The following SKAP1 variants were observed in gnomAD, a reference collection of about 807,000 sequenced individuals.
SKAP1 encodes the protein src kinase associated phosphoprotein 1, also known as src kinase-associated phosphoprotein 1.
A neutral mutation model predicts 58.5 loss-of-function variants in SKAP1; 44 were observed. The ratio of observed to expected loss-of-function variants is 0.75; its 90% CI spans 0.59 to 0.97. The LOEUF (loss-of-function observed/expected upper bound fraction) is 0.97, where lower values mean the gene tolerates loss of function less well. Ranked by LOEUF, SKAP1 falls within the 50% of genes least tolerant of loss-of-function variation. The probability of loss-of-function intolerance (pLI) is 0.00; values close to 1 mark genes in which losing one functional copy is unlikely to be tolerated. For synonymous variants in SKAP1, 127 were observed against 149.7 expected (o/e 0.85, Z 1.11); for missense variants, 390 against 435.2 (o/e 0.90, Z 0.92).
At chr17:48,155,426 T>C (rs2063962782) in intron 11 of SKAP1, among the ~76,000 whole-genome samples, 1 of 150,894 alleles carries the variant, frequency 6.6e-6, no homozygotes, top group South Asian at 2.1e-4. Context: ...CCAACAAGCA[T>C]TATTATTATT....
chr17:48,237,996 TTTG>T (rs948665157), intron 4 of SKAP1, among the ~76,000 whole-genome samples: 4 of 151,958 alleles, frequency 2.6e-5, no homozygotes, highest in African/African-American at 4.8e-5. Context: ...TGTTTTGTTT[TTTG>T]TTTTTTGTTT....
rs1346698835 is a variant in SKAP1 at position 48,137,297 on chromosome 17, C to A, written c.1019G>T (p.Ser340Ile). The A allele has an allele frequency of 3.7e-6, 6 of 1,613,844 alleles. No individual in the cohort carries two copies. The highest frequency in any genetic ancestry group is 5.1e-6 in the Non-Finnish European group (6 of 1,179,762). The change falls in exon 12 of 13, where the codon AGC becomes ATC. Residue 340 changes from serine (S) to isoleucine (I), a missense_variant. Transcript: ENST00000336915. The part of the protein sequence containing the change: ...MYGWWVGELN[S>I]LVGIVPKEYL... ...CTCCTTTGGAACAATCCCAACGAGG[C>A]TGTTCAGTTCTCCCACCCACCAGCC...
intron 4 of SKAP1, among the ~76,000 whole-genome samples, chr17:48,278,234 T>C (rs1028511271): frequency 6.6e-6 from 1 of 152,192 alleles, no homozygotes; most frequent in Non-Finnish European, 1.5e-5. Flanking sequence ...ATTGAGCTCA[T>C]CCTGGGCAGA....
chr17:48,346,549 G>C (rs1367967773), intron 3 of SKAP1, among the ~76,000 whole-genome samples: 2 of 151,522 alleles, frequency 1.3e-5, no homozygotes, highest in Non-Finnish European at 2.9e-5. Flanking sequence ...GCTTGAACCC[G>C]GGGGGTAGAG....
chr17:48,396,170 C>T (rs1172057852), intron 2 of SKAP1, among the ~76,000 whole-genome samples: 2 of 152,132 alleles, frequency 1.3e-5, no homozygotes, highest in African/African-American at 4.8e-5. Flanking sequence ...TACATCAGGG[C>T]CTCTTATTTT....
chr17:48,179,543 A>G (rs1241193962), intron 9 of SKAP1, among the ~76,000 whole-genome samples: 1 of 152,214 alleles, frequency 6.6e-6, no homozygotes, highest in African/African-American at 2.4e-5. Context: ...GATTCATGGT[A>G]TATCTGAACT....
At chr17:48,401,347 G>A (rs890053097) in intron 1 of SKAP1, among the ~76,000 whole-genome samples, 2 of 151,734 alleles carry the variant, frequency 1.3e-5, no homozygotes, top group African/African-American at 4.8e-5. Context: ...AGACAAATTT[G>A]GAGGACTCAC....
intron 2 of SKAP1, among the ~76,000 whole-genome samples, chr17:48,368,118 A>C (rs2067033590): frequency 6.6e-6 from 1 of 152,156 alleles, no homozygotes; most frequent in Non-Finnish European, 1.5e-5. Context: ...CCTCTATTCC[A>C]AAGCTCACAA....
intron 1 of SKAP1, among the ~76,000 whole-genome samples, chr17:48,407,549 A>C (rs1425818651): frequency 3.9e-5 from 6 of 152,122 alleles, no homozygotes; most frequent in African/African-American, 1.2e-4. Context: ...GTGGGTAAAA[A>C]TCATAAGCCT....
chr17:48,282,916 C>T (rs2065785722), intron 4 of SKAP1, among the ~76,000 whole-genome samples: 1 of 152,024 alleles, frequency 6.6e-6, no homozygotes, highest in Non-Finnish European at 1.5e-5. Flanking sequence ...CCACTCTTAG[C>T]AATTATGTAA....
chr17:48,154,396 T>G (rs2063944320), intron 11 of SKAP1, among the ~76,000 whole-genome samples: 1 of 152,226 alleles, frequency 6.6e-6, no homozygotes, highest in African/African-American at 2.4e-5. Context: ...GCAAGGAAGA[T>G]GACCCAGACC....
chr17:48,224,038 AAG>A (rs2065036629), intron 4 of SKAP1, among the ~76,000 whole-genome samples: 47 of 52,380 alleles, frequency 9.0e-4, no homozygotes, highest in South Asian at 1.8e-3. Context: ...GAGAGAGAAG[AAG>A]GAGGAGGAGG....
intron 3 of SKAP1, among the ~76,000 whole-genome samples, chr17:48,359,291 G>C (rs938812598): frequency 6.6e-6 from 1 of 151,828 alleles, no homozygotes; most frequent in Non-Finnish European, 1.5e-5. Flanking sequence ...TTATTTGTCA[G>C]ACATTATATA....
intron 2 of SKAP1, among the ~76,000 whole-genome samples, chr17:48,369,490 C>CAA (rs11369011): frequency 0.15 from 21,120 of 137,122 alleles, 2,151 homozygotes; most frequent in Non-Finnish European, 0.22. Context: ...GACCCTCTCT[C>CAA]AAAAAAAAAA....
chr17:48,233,780 C>T (rs150249599), intron 4 of SKAP1, among the ~76,000 whole-genome samples: 2 of 151,984 alleles, frequency 1.3e-5, no homozygotes, highest in African/African-American at 4.8e-5. Flanking sequence ...TGCTTGAACC[C>T]AGGAGGCAGA....
intron 4 of SKAP1, among the ~76,000 whole-genome samples, chr17:48,260,539 CATTAAGTTGT>C (rs2143927328): frequency 6.6e-6 from 1 of 152,190 alleles, no homozygotes; most frequent in South Asian, 2.1e-4. Context: ...TAAGAAGGGT[CATTAAGTTGT>C]ATTATCGGTT....
At chr17:48,306,496 C>T (rs1408815813) in intron 4 of SKAP1, among the ~76,000 whole-genome samples, 1 of 152,162 alleles carries the variant, frequency 6.6e-6, no homozygotes, top group Non-Finnish European at 1.5e-5. Context: ...AACAATTATG[C>T]ATTTGTCACT....
At chr17:48,404,481 C>A (rs544250882) in intron 1 of SKAP1, among the ~76,000 whole-genome samples, 1 of 151,344 alleles carries the variant, frequency 6.6e-6, no homozygotes, top group Non-Finnish European at 1.5e-5. Flanking sequence ...ATTCGTATGG[C>A]GAGACAATGT....
At chr17:48,418,989 T>C (rs2067763949) in intron 1 of SKAP1, among the ~76,000 whole-genome samples, 1 of 152,084 alleles carries the variant, frequency 6.6e-6, no homozygotes, top group Non-Finnish European at 1.5e-5. Flanking sequence ...CACATAGGTG[T>C]CTATATATGC....
Sources: allele counts gnomAD v4.1 joint callset (sites outside exome capture counted in the v4.1 genomes callset), GRCh38; gene constraint gnomAD v4.1.1; transcripts MANE v1.5; gene names NCBI Gene and HGNC (gene_info 2026-07-23, HGNC 2026-07-21).